SAV1: variants seen among roughly 807,000 people sequenced by gnomAD.
SAV1 encodes salvador family WW domain containing protein 1.
In SAV1, 23 loss-of-function variants were observed where a neutral mutation model predicts 47.3. That is an observed-to-expected ratio of 0.49 (90% CI 0.35 to 0.69). The LOEUF (loss-of-function observed/expected upper bound fraction) is 0.69. Among genes scored for constraint, SAV1 ranks in the 30% least tolerant of loss-of-function variants. SAV1 has a pLI of 0.01. For missense variants in SAV1, 448 were observed against 457.4 expected, an observed-to-expected ratio of 0.98 and a Z score of 0.19; for synonymous variants, 155 against 159.2, an observed-to-expected ratio of 0.97 and a Z score of 0.20.
chr14:50,657,371 C>A (rs975298605), intron 2 of SAV1, among the ~76,000 whole-genome samples: 8 of 152,144 alleles, frequency 5.3e-5, no homozygotes, highest in Admixed American at 6.5e-5. Flanking sequence ...CAGCTCTTTC[C>A]ATATGTCTTA....
chr14:50,644,762 C>G lies in SAV1; in HGVS notation c.788G>C (p.Arg263Thr). ...ACTGTACCTAGGAGCACAGGGATGC[C>G]TGTATTGGGCCTTCTTATTTGTGTG... ...VDHTNKKAQY[R>T]HPCAPSVPRY... Residue 263 changes from arginine to threonine, a missense_variant, in exon 3 of 5, where the codon AGG (arginine) becomes ACG (threonine). By Grantham distance (71) the Arg-to-Thr change is moderately conservative. Transcript: ENST00000324679. 2 of 1,613,834 alleles carry G rather than the reference C, an allele frequency of 1.2e-6. No individual in the cohort carries two copies.
At chr14:50,657,293 A>G (rs371068051) in intron 2 of SAV1, among the ~76,000 whole-genome samples, 2 of 152,186 alleles carry the variant, frequency 1.3e-5, no homozygotes, top group South Asian at 2.1e-4. Flanking sequence ...TCGGCCTCCC[A>G]AAGTGCTGGG....
intron 2 of SAV1, among the ~76,000 whole-genome samples, chr14:50,653,695 C>G (rs769514154): frequency 6.6e-6 from 1 of 152,000 alleles, no homozygotes; most frequent in Admixed American, 6.6e-5. Flanking sequence ...ATGGTGAAAC[C>G]CTGTCTCTAC....
At chr14:50,650,226 G>A (rs1033725205) in intron 2 of SAV1, among the ~76,000 whole-genome samples, 3 of 152,202 alleles carry the variant, frequency 2.0e-5, no homozygotes, top group African/African-American at 7.2e-5. Flanking sequence ...AGTCACTGCA[G>A]CAACATCTAT....
chr14:50,647,560 C>T (rs1218778028), intron 2 of SAV1, among the ~76,000 whole-genome samples: 1 of 151,866 alleles, frequency 6.6e-6, no homozygotes, highest in African/African-American at 2.4e-5. Flanking sequence ...GAGTGAAACC[C>T]CTTCTCTCAA....
At chr14:50,660,998 G>A (rs1432267447) in intron 2 of SAV1, among the ~76,000 whole-genome samples, 1 of 152,192 alleles carries the variant, frequency 6.6e-6, no homozygotes, top group African/African-American at 2.4e-5. Context: ...CGGATCATAT[G>A]GTAGTTCTGT....
intron 2 of SAV1, among the ~76,000 whole-genome samples, chr14:50,649,374 G>C (rs1325908796): frequency 6.6e-6 from 1 of 152,164 alleles, no homozygotes; most frequent in East Asian, 1.9e-4. Flanking sequence ...TACATCTCCA[G>C]TCTCTAGAAC....
In SAV1 at chr14:50,644,763, T is replaced by A; in HGVS notation, c.787A>T (p.Arg263Trp). 1 of 1,613,926 alleles carries A rather than the reference T, an allele frequency of 6.2e-7. No individual in the cohort carries two copies. The highest frequency in any genetic ancestry group is 8.5e-7 in the Non-Finnish European group (1 of 1,179,812). The change falls in exon 3 of 5, where the codon AGG becomes TGG. Residue 263 changes from arginine (R) to tryptophan (W), a missense_variant. Transcript: ENST00000324679. ...CTGTACCTAGGAGCACAGGGATGCCTGTATTGGGCCTTCTTATTTGTGTGA... is the reference window on the plus strand; with the variant it reads ...CTGTACCTAGGAGCACAGGGATGCCAGTATTGGGCCTTCTTATTTGTGTGA... ...VDHTNKKAQY[R>W]HPCAPSVPRY...
Position 50,644,818 on chromosome 14 carries a change from C to T in SAV1, c.732G>A (p.Glu244=), listed in dbSNP as rs1442372741. Residue 244 remains glutamate (E), a synonymous_variant, in exon 3 of 5, where the codon GAG becomes GAA. Coordinates refer to ENST00000324679, the MANE Select transcript of SAV1 (RefSeq NM_021818.4). The part of the protein sequence containing the change: ...EGLPPGWERV[E]SSEFGTYYVD... ...CATAATAGGTTCCAAATTCGGATGA[C>T]TCAACTCGTTCCCATCCAGGAGGAA... is the stretch of plus-strand genomic sequence containing the variant. The T allele has an allele frequency of 1.9e-6, 3 of 1,614,018 alleles. No individual in the cohort carries two copies. Among genetic ancestry groups the T allele is most frequent in the Non-Finnish European group, 2.5e-6 (3 of 1,180,018 alleles).
chr14:50,654,968 T>A (rs2039800188), intron 2 of SAV1, among the ~76,000 whole-genome samples: 1 of 150,082 alleles, frequency 6.7e-6, no homozygotes, highest in Non-Finnish European at 1.5e-5. Context: ...ATCACCCTTG[T>A]TCGGTACCCT....
chr14:50,659,770 C>T (rs1347475276), intron 2 of SAV1, among the ~76,000 whole-genome samples: 3 of 152,042 alleles, frequency 2.0e-5, no homozygotes, highest in African/African-American at 7.2e-5. Flanking sequence ...TGCTTGAGCC[C>T]GAGGTCGAGG....
chr14:50,659,205 T>A (rs927251422), intron 2 of SAV1, among the ~76,000 whole-genome samples: 1 of 151,806 alleles, frequency 6.6e-6, no homozygotes, highest in Non-Finnish European at 1.5e-5. Flanking sequence ...AAGGCAGAAG[T>A]CTACTGTCTC....
rs560482440 is a variant in SAV1, at chr14:50,665,146, T to C, written c.535+33A>G. 2.1e-3 allele frequency: 3,036 copies of C among 1,469,212 alleles called. 11 individuals are homozygous for C. Among genetic ancestry groups the C allele is most frequent in the South Asian group, 2.4e-3 (166 of 69,060 alleles). The allele number at this position is 1,469,212 out of a possible 1,614,324, so 91.0% of individuals were successfully genotyped here. On this transcript the variant is annotated intron_variant, in intron 2 of 4. Transcript: ENST00000324679. ...TTTTTAATTGACATGTCAATAAATA[T>C]AAACTACTATATTATTTATAATGTT...
intron 2 of SAV1, among the ~76,000 whole-genome samples, chr14:50,647,751 T>C (rs965889318): frequency 4.6e-5 from 7 of 151,890 alleles, no homozygotes; most frequent in African/African-American, 1.7e-4. Context: ...ACAATACACG[T>C]CTATGAAAAT....
chr14:50,644,712 AC>A (rs1329534320), intron 3 of SAV1, 31 bp downstream of exon 3: 2 of 1,583,998 alleles, frequency 1.3e-6, no homozygotes, highest in African/African-American at 2.7e-5. Flanking sequence ...CAATCCCGAA[AC>A]AAAAAGTTGA....
chr14:50,643,277 G>A (rs1476171372), intron 3 of SAV1, among the ~76,000 whole-genome samples: 1 of 152,124 alleles, frequency 6.6e-6, no homozygotes, highest in Non-Finnish European at 1.5e-5. Context: ...ATGTTATAAA[G>A]AATTACCTGA....
At chr14:50,656,097 C>T (rs1207038707) in intron 2 of SAV1, among the ~76,000 whole-genome samples, 1 of 152,112 alleles carries the variant, frequency 6.6e-6, no homozygotes, top group Non-Finnish European at 1.5e-5. Flanking sequence ...AAGTTTGTGG[C>T]AATTTCATCT....
intron 2 of SAV1, among the ~76,000 whole-genome samples, chr14:50,657,163 T>C (rs12879141): frequency 2.0e-5 from 3 of 151,842 alleles, no homozygotes; most frequent in African/African-American, 7.3e-5. Context: ...GACTCCTGAG[T>C]AGCTGGGATT....
chr14:50,661,003 TTC>T (rs2039855377), intron 2 of SAV1, among the ~76,000 whole-genome samples: 1 of 152,236 alleles, frequency 6.6e-6, no homozygotes, highest in African/African-American at 2.4e-5. Context: ...CATATGGTAG[TTC>T]TGTTTTCGGT....
Sources: allele counts gnomAD v4.1 joint callset (sites outside exome capture counted in the v4.1 genomes callset), GRCh38; gene constraint gnomAD v4.1.1; transcripts MANE v1.5; gene names NCBI Gene and HGNC (gene_info 2026-07-23, HGNC 2026-07-21).